Variants in CDH4 observed in about 807,000 individuals in gnomAD.
The protein encoded by CDH4 is cadherin-4.
In CDH4, 33 loss-of-function variants were observed where a neutral mutation model predicts 86.0. The ratio of observed to expected loss-of-function variants is 0.38; its 90% confidence interval spans 0.29 to 0.51. The LOEUF (loss-of-function observed/expected upper bound fraction) is 0.51. Ranked by LOEUF, CDH4 falls within the 20% of genes least tolerant of loss-of-function variation. The probability of loss-of-function intolerance (pLI) is 0.86; values close to 1 mark genes in which losing one functional copy is unlikely to be tolerated. For synonymous variants in CDH4, 555 were observed against 549.4 expected (o/e 1.01, Z -0.14); for missense variants, 1,114 against 1,307.4 (o/e 0.85, Z 2.28).
intron 2 of CDH4, among the ~76,000 whole-genome samples, chr20:61,613,857 G>C (rs866120239): frequency 2.0e-4 from 31 of 151,942 alleles, no homozygotes; most frequent in African/African-American, 7.3e-4. Context: ...TTGGTGGGAG[G>C]GGGGGCTTTG....
chr20:61,311,205 A>C (rs1030217061), intron 2 of CDH4, among the ~76,000 whole-genome samples: 4 of 152,180 alleles, frequency 2.6e-5, no homozygotes, highest in African/African-American at 9.7e-5. Context: ...ACCCACACCC[A>C]CACACACCCA....
chr20:61,674,300 T>C (rs1161572486), intron 2 of CDH4, among the ~76,000 whole-genome samples: 1 of 152,120 alleles, frequency 6.6e-6, no homozygotes, highest in African/African-American at 2.4e-5. Context: ...GTGCCGAGCT[T>C]GGAGCAGGAG....
chr20:61,568,183 A>G (rs1030274710), intron 2 of CDH4, among the ~76,000 whole-genome samples: 2 of 152,150 alleles, frequency 1.3e-5, no homozygotes, highest in African/African-American at 4.8e-5. Context: ...GACAGGGTTC[A>G]GCTGTGTCCC....
rs751126685 is a variant in CDH4 at position 61,923,522 on chromosome 20, C to T, written c.1446C>T (p.Ser482=). The change falls in exon 10 of 16, where the codon AGC becomes AGT. Residue 482 remains serine (S), a synonymous_variant. Transcript: ENST00000614565. The part of the protein sequence containing the change: ...VMVSNQAPLA[S]GIQMSFQSTA... The stretch of plus-strand genomic sequence containing the variant: ...TGTCCAACCAGGCGCCCCTGGCCAG[C>T]GGAATCCAGATGTCCTTCCAGTCCA... 108 of 1,614,068 alleles carry T rather than the reference C, an allele frequency of 6.7e-5. No individual in the cohort carries two copies. The highest frequency in any genetic ancestry group is 3.0e-4 in the Admixed American group (18 of 60,014).
intron 2 of CDH4, among the ~76,000 whole-genome samples, chr20:61,629,019 C>T (rs1324942123): frequency 8.5e-5 from 13 of 152,356 alleles, no homozygotes; most frequent in South Asian, 4.1e-4. Context: ...CAAGGCATCT[C>T]GCAAGCTTCC....
chr20:61,489,279 GA>G (rs2085612962), intron 2 of CDH4, among the ~76,000 whole-genome samples: 1 of 152,202 alleles, frequency 6.6e-6, no homozygotes, highest in Admixed American at 6.5e-5. Context: ...ACCAGGTTCA[GA>G]CCCAGGCACA....
chr20:61,572,733 A>G (rs2086350609), intron 2 of CDH4, among the ~76,000 whole-genome samples: 1 of 152,242 alleles, frequency 6.6e-6, no homozygotes, highest in Non-Finnish European at 1.5e-5. Context: ...TCAGCTTAGC[A>G]TTGAAGGCTG....
chr20:61,844,789 G>A lies in CDH4; in HGVS notation c.698G>A (p.Arg233Lys). Residue 233 changes from arginine to lysine, a missense_variant, in exon 5 of 16, where the codon AGG becomes AAG. Transcript: ENST00000614565. ...DSMSGRMYVT[R>K]PMDREEHASY... is the part of the protein sequence containing the mutation. ...ATGTCCGGCCGGATGTACGTCACAA[G>A]GCCCATGGACCGGGAGGAGCACGCC... 1 of 1,613,890 alleles carries A rather than the reference G, an allele frequency of 6.2e-7. No homozygotes were observed. Among genetic ancestry groups the A allele is most frequent in the Non-Finnish European group, 8.5e-7 (1 of 1,179,874 alleles).
At chr20:61,860,915 A>T (rs1365143626) in intron 6 of CDH4, among the ~76,000 whole-genome samples, 1 of 152,212 alleles carries the variant, frequency 6.6e-6, no homozygotes, top group Non-Finnish European at 1.5e-5. Flanking sequence ...AGGGCAGAGA[A>T]GTACCCGGGG....
At chr20:61,889,293 CATGGATGG>C (rs59254816) in intron 7 of CDH4, among the ~76,000 whole-genome samples, 7,691 of 141,574 alleles carry the variant, frequency 0.054, 218 homozygotes, top group African/African-American at 0.077. Context: ...CTCTTTAAAG[CATGGATGG>C]ATGGATGGAT....
Position 61,773,131 on chromosome 20 carries a change from C to T in CDH4, c.525C>T (p.Pro175=), listed in dbSNP as rs1307207343. The T allele has an allele frequency of 7.5e-6, 12 of 1,607,340 alleles. No individual in the cohort carries two copies. In the East Asian group the frequency reaches 2.0e-4, roughly 27 times the overall value. ...RRRKRDWVIP[P]INVPENSRGP... The stretch of plus-strand genomic sequence containing the variant: ...GCAAACGGGACTGGGTCATCCCGCC[C>T]ATCAACGTGCCCGAGAACTCGCGCG... Residue 175 remains proline, a synonymous_variant, in exon 4 of 16, where the codon CCC becomes CCT. Transcript: ENST00000614565.
chr20:61,683,146 A>T (rs1489363614), intron 2 of CDH4, among the ~76,000 whole-genome samples: 1 of 151,838 alleles, frequency 6.6e-6, no homozygotes, highest in East Asian at 1.9e-4. Context: ...TGTTTATGGG[A>T]GTTTATAGGC....
Position 61,518,474 on chromosome 20 carries a change from A to C in CDH4, c.170-225089A>C, listed in dbSNP as rs551845289. Among the ~76,000 whole-genome samples, 5 of 151,544 alleles carry C rather than the reference A, an allele frequency of 3.3e-5. No individual in the cohort carries two copies. The East Asian group carries it at 9.7e-4, about 30-fold the overall frequency. On this transcript the variant is annotated intron_variant, in intron 2 of 15. Transcript: ENST00000614565. This position sits in a 1 kb window ranked among gnomAD's most constrained non-coding sequence, Gnocchi z 6.3. ...TCCGTCATCCACCCATCGTCCATCC[A>C]TCCATCCTTCCATCATTGATTCATC...
chr20:61,293,464 T>G (rs908834850), intron 2 of CDH4, among the ~76,000 whole-genome samples: 21 of 152,132 alleles, frequency 1.4e-4, no homozygotes, highest in Non-Finnish European at 1.9e-4. Flanking sequence ...CGGGGACTTC[T>G]GGGGAAGGAA....
chr20:61,608,850 CAGCA>C (rs2086663907), intron 2 of CDH4, among the ~76,000 whole-genome samples: 1 of 152,164 alleles, frequency 6.6e-6, no homozygotes, highest in Non-Finnish European at 1.5e-5. Context: ...TCCTAGATCA[CAGCA>C]GATGTCCACC....
At chr20:61,275,479 T>C (rs373809381) in intron 2 of CDH4, among the ~76,000 whole-genome samples, 54 of 115,736 alleles carry the variant, frequency 4.7e-4, no homozygotes, top group African/African-American at 1.1e-3. Context: ...TTTGGGGGAG[T>C]ATCATGTGCA....
At chr20:61,823,908 GCTTT>G (rs1380640997) in intron 4 of CDH4, among the ~76,000 whole-genome samples, 2 of 152,202 alleles carry the variant, frequency 1.3e-5, no homozygotes, top group Admixed American at 6.5e-5. Context: ...TAGTGGGGCG[GCTTT>G]CTTTATGTGT....
chr20:61,661,607 T>C (rs569580716), intron 2 of CDH4, among the ~76,000 whole-genome samples: 14 of 152,112 alleles, frequency 9.2e-5, no homozygotes, highest in African/African-American at 2.9e-4. Flanking sequence ...ACATGCGTCT[T>C]CCCAATTAAC....
At chr20:61,787,581 C>A (rs1978951618) in intron 4 of CDH4, among the ~76,000 whole-genome samples, 1 of 152,176 alleles carries the variant, frequency 6.6e-6, no homozygotes, top group South Asian at 2.1e-4. Context: ...CATATCAACC[C>A]CCAGGTGTGC....
Sources: gnomAD v4.1 joint callset for allele counts (sites outside exome capture counted in the v4.1 genomes callset) on GRCh38, gnomAD v4.1.1 for gene constraint, Gnocchi (gnomAD v3.1) non-coding constraint, MANE v1.5 for transcripts, NCBI Gene and HGNC (gene_info 2026-07-23, HGNC 2026-07-21) for gene names.